POU2F2: variants seen among roughly 807,000 people sequenced by gnomAD.
The protein encoded by POU2F2 is POU domain, class 2, transcription factor 2.
POU2F2 carries 14 observed loss-of-function variants against 63.5 expected under a neutral mutation model. That is an observed-to-expected ratio of 0.22 (90% CI 0.15 to 0.34). POU2F2 has a LOEUF of 0.34. POU2F2 is among the 10% of genes least tolerant of loss of function. The pLI is 1.00. For synonymous variants in POU2F2, 306 were observed against 348.6 expected, an observed-to-expected ratio of 0.88 and a Z score of 1.36; for missense variants, 607 against 815.2, an observed-to-expected ratio of 0.74 and a Z score of 3.11.
intron 5 of POU2F2, among the ~76,000 whole-genome samples, chr19:42,116,236 A>G (rs2031842082): frequency 6.6e-6 from 1 of 152,022 alleles, no homozygotes; most frequent in Non-Finnish European, 1.5e-5. Flanking sequence ...GTGATGGAGA[A>G]CCTCCTAATT....
chr19:42,118,041 CA>C (rs1254440285), intron 4 of POU2F2, among the ~76,000 whole-genome samples: 1 of 152,120 alleles, frequency 6.6e-6, no homozygotes, highest in African/African-American at 2.4e-5. Flanking sequence ...CCTCCCACCT[CA>C]GCTTTCCAAG....
intron 5 of POU2F2, among the ~76,000 whole-genome samples, chr19:42,102,317 G>T (rs1016547437): frequency 1.8e-4 from 27 of 152,290 alleles, no homozygotes; most frequent in Middle Eastern, 3.4e-3. Flanking sequence ...AGTTTGGGGA[G>T]TAAAGACTGA....
chr19:42,132,622 G>T (rs1943051181), upstream of POU2F2: 2 of 425,910 alleles, frequency 4.7e-6, no homozygotes, highest in Non-Finnish European at 8.2e-6. Context: ...GGGGCTAGTG[G>T]GGCAGAGGAT....
rs1235777996 is a variant in POU2F2 at position 42,188,622 on chromosome 19, G to A, written c.-70+7761C>T. Among the ~76,000 whole-genome samples the A allele has an allele frequency of 2.8e-5, 4 of 144,116 alleles. No individual in the cohort carries two copies. In the South Asian group the frequency reaches 8.8e-4, roughly 32 times the overall value. 94.5% of individuals were successfully genotyped at this position (144,116 alleles called of 152,430 possible). A position where few individuals can be genotyped will look rare whatever the true frequency, so the allele number is the denominator to read the frequency against. ...GGAGGCGGAGGTTGCAGTGAGCCGA[G>A]ATTGCGCCATTGCACTCCAGCCTGG... On this transcript the variant is annotated intron_variant, in intron 1 of 5. Transcript: ENST00000532176.
At chr19:42,195,059 G>GAGGGAGGGAGGAAGGAAGGA (rs2035121510) in intron 1 of POU2F2, among the ~76,000 whole-genome samples, 1 of 25,802 alleles carries the variant, frequency 3.9e-5, no homozygotes, top group African/African-American at 1.6e-4. Flanking sequence ...GGAAGGGAGG[G>GAGGGAGGGAGGAAGGAAGGA]AGGGAGGGAG....
chr19:42,136,419 C>G (rs1229631683), upstream of POU2F2, among the ~76,000 whole-genome samples: 1 of 151,258 alleles, frequency 6.6e-6, no homozygotes, highest in African/African-American at 2.4e-5. Context: ...CTCCTAGGCT[C>G]AAAGCCATCC....
intron 1 of POU2F2, among the ~76,000 whole-genome samples, chr19:42,131,032 C>A (rs2033673891): frequency 7.8e-6 from 1 of 128,792 alleles, no homozygotes; most frequent in Admixed American, 7.8e-5. Flanking sequence ...CCTCCCTCAT[C>A]CCAGCCCCAA....
At position 42,091,520 on chromosome 19, in the gene POU2F2, C is replaced by T. The variant is rs1277983851; in HGVS notation, c.1612G>A (p.Gly538Ser). 7 of 1,545,890 alleles carry T rather than the reference C, an allele frequency of 4.5e-6. No individual in the cohort carries two copies. The East Asian group carries it at 7.3e-5, about 16-fold the overall frequency. ...AGGCCAGGGCTCCCCGGGGCTGCACCGGCTGCCCCCAGCACCAGATTCCCG... is the reference window on the plus strand; with the variant it reads ...AGGCCAGGGCTCCCCGGGGCTGCACTGGCTGCCCCCAGCACCAGATTCCCG... ...GSGNLVLGAA[G>S]AAPGSPGLVT... Residue 538 changes from glycine to serine, a missense_variant, in exon 15 of 15, where the codon GGT becomes AGT. Gly to Ser is a moderately conservative substitution (Grantham distance 56). Transcript: ENST00000692977.
chr19:42,098,656 T>C (rs2077014937), intron 7 of POU2F2, among the ~76,000 whole-genome samples: 1 of 152,218 alleles, frequency 6.6e-6, no homozygotes, highest in Non-Finnish European at 1.5e-5. Context: ...GAAGAACAAC[T>C]TGACTTTCTG....
chr19:42,166,912 T>C (rs1048255218), intron 1 of POU2F2, among the ~76,000 whole-genome samples: 7 of 152,026 alleles, frequency 4.6e-5, no homozygotes, highest in Middle Eastern at 3.4e-3. Context: ...AGGTGATATA[T>C]TGGGCAAGTA....
chr19:42,094,703 G>T (rs542177884), intron 11 of POU2F2, among the ~76,000 whole-genome samples: 12 of 152,336 alleles, frequency 7.9e-5, no homozygotes, highest in Non-Finnish European at 1.6e-4. Context: ...GGTCCAGGAA[G>T]GCTCTTTGCC....
upstream of POU2F2, among the ~76,000 whole-genome samples, chr19:42,177,548 C>A (rs1441088531): frequency 6.6e-6 from 1 of 150,934 alleles, no homozygotes; most frequent in Non-Finnish European, 1.5e-5. Flanking sequence ...CAGACATATG[C>A]AGAAACAGAG....
intron 1 of POU2F2, among the ~76,000 whole-genome samples, chr19:42,172,036 T>C (rs1394530772): frequency 6.6e-6 from 1 of 152,184 alleles, no homozygotes; most frequent in African/African-American, 2.4e-5. Context: ...CAGCTGAGCC[T>C]CCACAGACAG....
chr19:42,174,100 C>T (rs574856996), intron 1 of POU2F2, among the ~76,000 whole-genome samples: 3 of 152,170 alleles, frequency 2.0e-5, no homozygotes, highest in South Asian at 2.1e-4. Context: ...GCAAGCATGC[C>T]GTCAAACTCA....
rs760443001 is a variant in POU2F2, at chr19:42,117,048, A to T, written c.369+202T>A. 3.0e-6 allele frequency: 2 copies of T among 667,648 alleles called. No homozygotes were observed. Among genetic ancestry groups the T allele is most frequent in the South Asian group, 3.3e-5 (2 of 60,530 alleles). 41.4% of individuals were successfully genotyped at this position (667,648 alleles called of 1,614,324 possible). A position where few individuals can be genotyped will look rare whatever the true frequency, so the allele number is the denominator to read the frequency against. On this transcript the variant is annotated intron_variant, in intron 5 of 14. Coordinates refer to ENST00000692977, the MANE Select transcript of POU2F2 (RefSeq NM_001394376.1). This position sits in a 1 kb window ranked among gnomAD's most constrained non-coding sequence, Gnocchi z 4.4. ...CAGCAGGAATTGGAGCAAGGGGTTG[A>T]AGAGGAGCAGAGAAGGCAGAGAGGG...
At chr19:42,190,803 C>T (rs987420240) in intron 1 of POU2F2, among the ~76,000 whole-genome samples, 3 of 152,134 alleles carry the variant, frequency 2.0e-5, no homozygotes, top group South Asian at 2.1e-4. Flanking sequence ...GTCGGAGTAA[C>T]GTCGAGGCAT....
At chr19:42,141,776 G>A (rs2034133552) in intron 2 of POU2F2, among the ~76,000 whole-genome samples, 1 of 152,054 alleles carries the variant, frequency 6.6e-6, no homozygotes, top group Non-Finnish European at 1.5e-5. Context: ...CACCACGCCT[G>A]GCCAGGAACT....
chr19:42,112,519 G>A (rs1446323742), intron 5 of POU2F2, among the ~76,000 whole-genome samples: 1 of 152,142 alleles, frequency 6.6e-6, no homozygotes, highest in Non-Finnish European at 1.5e-5. Context: ...ACAGGCGCAT[G>A]CCACCACGGC....
At chr19:42,104,032 A>G (rs2077244161) in intron 5 of POU2F2, among the ~76,000 whole-genome samples, 1 of 152,184 alleles carries the variant, frequency 6.6e-6, no homozygotes, top group Non-Finnish European at 1.5e-5. Context: ...ATCCATAAGT[A>G]AAAAACTGAC....
Sources: allele counts gnomAD v4.1 joint callset (sites outside exome capture counted in the v4.1 genomes callset), GRCh38; gene constraint gnomAD v4.1.1; non-coding constraint Gnocchi (gnomAD v3.1); transcripts MANE v1.5; gene names NCBI Gene and HGNC (gene_info 2026-07-23, HGNC 2026-07-21).